Variants in KCNJ15 observed in about 807,000 individuals in gnomAD.
The protein encoded by KCNJ15 is ATP-sensitive inward rectifier potassium channel 15.
In KCNJ15, 14 loss-of-function variants were observed where a neutral mutation model predicts 23.0. That is an observed-to-expected ratio of 0.61 (90% CI 0.40 to 0.95). The LOEUF (loss-of-function observed/expected upper bound fraction) is 0.95, where lower values mean the gene tolerates loss of function less well. KCNJ15 is among the 40% of genes least tolerant of loss of function. The pLI is 0.00. For missense variants in KCNJ15, 388 were observed against 461.8 expected, an observed-to-expected ratio of 0.84 and a Z score of 1.46; for synonymous variants, 185 against 183.2, an observed-to-expected ratio of 1.01 and a Z score of -0.08.
chr21:38,241,748 C>T (rs9808630), intron 1 of KCNJ15, among the ~76,000 whole-genome samples: 3,532 of 152,146 alleles, frequency 0.023, 67 homozygotes, highest in South Asian at 0.075. Flanking sequence ...GGGCGGATTG[C>T]TTGAGCTCAG....
rs60094452 is a variant in KCNJ15 at position 38,305,080 on chromosome 21, C to CAAAAAAA, written c.*4702_*4708dup. 3 of 97,770 alleles carry CAAAAAAA rather than the reference C, an allele frequency of 3.1e-5. No individual in the cohort carries two copies. Among genetic ancestry groups the CAAAAAAA allele is most frequent in the Non-Finnish European group, 4.1e-5 (2 of 49,114 alleles). 6.1% of individuals were successfully genotyped at this position (97,770 alleles called of 1,614,324 possible). On this transcript the variant is annotated 3_prime_UTR_variant, in exon 3 of 3. Coordinates refer to ENST00000398938, the MANE Select transcript of KCNJ15 (RefSeq NM_170736.3). ...GGGCAACAAAAGTAAAACTCCGTCT[C>CAAAAAAA]AAAAAAAAAAAAAAAAAGAAAAAGA...
chr21:38,287,617 A>G (rs1984053089), intron 1 of KCNJ15, among the ~76,000 whole-genome samples: 1 of 152,248 alleles, frequency 6.6e-6, no homozygotes, highest in Non-Finnish European at 1.5e-5. Context: ...CTGAAATTCA[A>G]ATTCAACTGG....
Position 38,300,416 on chromosome 21 carries a change from C to CCTGCAAGCTGTTT in KCNJ15, c.*29_*41dup. The CCTGCAAGCTGTTT allele has an allele frequency of 1.3e-6, 2 of 1,560,210 alleles. No homozygotes were observed. The highest frequency in any genetic ancestry group is 1.7e-6 in the Non-Finnish European group (2 of 1,152,378). On this transcript the variant is annotated 3_prime_UTR_variant, in exon 3 of 3. Transcript: ENST00000398938. ...CACAGGGGCGCCATCCAGGTTTAAC[C>CCTGCAAGCTGTTT]CTGCAAGCTGTTTCCACATCAGAAC...
intron 1 of KCNJ15, among the ~76,000 whole-genome samples, chr21:38,250,617 G>A (rs867760727): frequency 6.6e-6 from 1 of 152,176 alleles, no homozygotes; most frequent in Admixed American, 6.5e-5. Context: ...AGGACGTGCC[G>A]GAATACAGCA....
At chr21:38,288,888 C>T (rs567803173) in intron 1 of KCNJ15, among the ~76,000 whole-genome samples, 2 of 152,300 alleles carry the variant, frequency 1.3e-5, no homozygotes, top group African/African-American at 4.8e-5. Flanking sequence ...ACCATGTCCA[C>T]TTTGAAGTTT....
intron 2 of KCNJ15, chr21:38,298,296 A>G (rs1985378265): frequency 6.6e-6 from 1 of 152,144 alleles, no homozygotes; most frequent in Non-Finnish European, 1.5e-5. Flanking sequence ...GGTCTTTCCT[A>G]CTATAATATT....
intron 1 of KCNJ15, among the ~76,000 whole-genome samples, chr21:38,262,238 G>T (rs182829791): frequency 6.6e-6 from 1 of 152,116 alleles, no homozygotes; most frequent in African/African-American, 2.4e-5. Context: ...TCCTACCAAC[G>T]CCATTCTCAC....
chr21:38,288,274 CTTGTGA>C (rs1984194657), intron 1 of KCNJ15, among the ~76,000 whole-genome samples: 1 of 151,742 alleles, frequency 6.6e-6, no homozygotes, highest in African/African-American at 2.4e-5. Context: ...ATCTCCTGAC[CTTGTGA>C]TCCGCCTGCC....
chr21:38,262,877 C>T (rs192140452), intron 1 of KCNJ15, among the ~76,000 whole-genome samples: 3 of 152,188 alleles, frequency 2.0e-5, no homozygotes, highest in East Asian at 3.9e-4. Flanking sequence ...GGGGTTTCAC[C>T]ATGTTGGCCA....
chr21:38,244,405 C>T (rs1370526441), intron 1 of KCNJ15, among the ~76,000 whole-genome samples: 1 of 152,174 alleles, frequency 6.6e-6, no homozygotes, highest in Non-Finnish European at 1.5e-5. Flanking sequence ...ACATCCCAGG[C>T]TTGGTGCAGA....
intron 1 of KCNJ15, among the ~76,000 whole-genome samples, chr21:38,287,964 TAGTG>T (rs1425907200): frequency 1.3e-5 from 2 of 150,676 alleles, no homozygotes; most frequent in African/African-American, 2.4e-5. Flanking sequence ...TGTAGACTGA[TAGTG>T]AGACAGAATT....
At chr21:38,260,765 C>T (rs1326042975) in intron 1 of KCNJ15, among the ~76,000 whole-genome samples, 1 of 152,170 alleles carries the variant, frequency 6.6e-6, no homozygotes, top group East Asian at 1.9e-4. Flanking sequence ...TACCTTAGGA[C>T]TGAGGACCTA....
chr21:38,265,685 A>G lies in KCNJ15; in HGVS notation c.-117+8500A>G, dbSNP rs144816342. Reference sequence around the variant, plus strand: ...AAGATATAAGTGACATCAAGGACTCAAGGAGCCTCCAGGCTGCTGCTGGAC... The same window carrying G: ...AAGATATAAGTGACATCAAGGACTCGAGGAGCCTCCAGGCTGCTGCTGGAC... On this transcript the variant is annotated intron_variant, in intron 1 of 2. Transcript: ENST00000398938. 1.2e-3 allele frequency among the ~76,000 whole-genome samples: 181 copies of G among 152,348 alleles called. 1 individual carries two copies. Among genetic ancestry groups the G allele is most frequent in the African/African-American group, 4.2e-3 (173 of 41,588 alleles).
intron 1 of KCNJ15, among the ~76,000 whole-genome samples, chr21:38,277,764 T>TG (rs1379842564): frequency 1.3e-5 from 2 of 152,114 alleles, no homozygotes; most frequent in African/African-American, 4.8e-5. Context: ...AAAAAGCAAT[T>TG]TAGACAACTA....
chr21:38,287,111 T>A (rs552440935), intron 1 of KCNJ15, among the ~76,000 whole-genome samples: 2 of 152,326 alleles, frequency 1.3e-5, no homozygotes, highest in Admixed American at 1.3e-4. Context: ...AACACTTTAT[T>A]CTGAGAAGGC....
intron 1 of KCNJ15, among the ~76,000 whole-genome samples, chr21:38,293,454 A>T (rs978092362): frequency 6.6e-6 from 1 of 152,204 alleles, no homozygotes; most frequent in African/African-American, 2.4e-5. Flanking sequence ...TCCTTTGTGG[A>T]AGGACCCAGC....
Position 38,299,519 on chromosome 21 carries a change from T to C in KCNJ15, c.258T>C (p.Tyr86=), listed in dbSNP as rs2146353966. The change falls in exon 3 of 3, where the codon TAT becomes TAC. Residue 86 remains tyrosine, a synonymous_variant. Coordinates refer to ENST00000398938, the MANE Select transcript of KCNJ15 (RefSeq NM_170736.3). This position sits in a 1 kb window ranked among gnomAD's most constrained non-coding sequence, Gnocchi z 4.5. ...GGTTCCTTTTTGGAGTCATCTACTATGCCATCGCGTTTATTCATGGGGACT... is the reference window on the plus strand; with the variant it reads ...GGTTCCTTTTTGGAGTCATCTACTACGCCATCGCGTTTATTCATGGGGACT... The part of the protein sequence containing the change: ...MTWFLFGVIY[Y]AIAFIHGDLE... 6.2e-7 allele frequency: 1 copy of C among 1,614,226 alleles called. No homozygotes were observed. The highest frequency in any genetic ancestry group is 8.5e-7 in the Non-Finnish European group (1 of 1,180,036).
At position 38,240,544 on chromosome 21, in the gene KCNJ15, G is replaced by A. The variant is rs552206034; in HGVS notation, c.-398-16502G>A. Among the ~76,000 whole-genome samples, 18 of 152,268 alleles carry A rather than the reference G, an allele frequency of 1.2e-4. No individual in the cohort carries two copies. The South Asian group carries it at 3.3e-3, about 28-fold the overall frequency. ...GTGGATGGAAAGTTGTTCTCAAAATGCATCTGAGTTGTTGAATATCCATTA... is the reference window on the plus strand; with the variant it reads ...GTGGATGGAAAGTTGTTCTCAAAATACATCTGAGTTGTTGAATATCCATTA... On this transcript the variant is annotated intron_variant, in intron 1 of 4. Transcript: ENST00000547341.
chr21:38,289,782 T>C (rs1283402525), intron 1 of KCNJ15, among the ~76,000 whole-genome samples: 1 of 152,068 alleles, frequency 6.6e-6, no homozygotes, highest in Non-Finnish European at 1.5e-5. Context: ...GCTGACACAG[T>C]ACAATTCGCC....
Sources: allele counts gnomAD v4.1 joint callset (sites outside exome capture counted in the v4.1 genomes callset), GRCh38; gene constraint gnomAD v4.1.1; non-coding constraint Gnocchi (gnomAD v3.1); transcripts MANE v1.5; gene names NCBI Gene and HGNC (gene_info 2026-07-23, HGNC 2026-07-21).